The following UNC79 variants were observed in gnomAD, a reference collection of about 807,000 sequenced individuals.
The protein encoded by UNC79 is unc-79 subunit of NALCN channel complex.
A neutral mutation model predicts 283.1 loss-of-function variants in UNC79; 37 were observed. The observed-to-expected ratio is 0.13, with a 90% CI of 0.10 to 0.17. UNC79 has a LOEUF of 0.17. Ranked by LOEUF, UNC79 falls within the 10% of genes least tolerant of loss-of-function variation. The pLI, the probability that UNC79 is intolerant of heterozygous loss-of-function variation, is 1.00. For missense variants in UNC79, 2,272 were observed against 3,211.1 expected (o/e 0.71, Z 7.07); for synonymous variants, 1,107 against 1,200.2 (o/e 0.92, Z 1.61).
intron 31 of UNC79, among the ~76,000 whole-genome samples, chr14:93,635,033 A>T (rs2068390755): frequency 6.6e-6 from 1 of 152,256 alleles, no homozygotes; most frequent in Non-Finnish European, 1.5e-5. Context: ...TAATAGTGAT[A>T]AAAATTGTCA....
chr14:93,607,977 C>T (rs1366125392), intron 26 of UNC79, among the ~76,000 whole-genome samples: 1 of 152,110 alleles, frequency 6.6e-6, no homozygotes, highest in East Asian at 1.9e-4. Context: ...TAGGAATACT[C>T]TTGTTTGAAG....
intron 20 of UNC79, among the ~76,000 whole-genome samples, chr14:93,582,799 T>C (rs1164660667): frequency 6.6e-6 from 1 of 152,112 alleles, no homozygotes; most frequent in Non-Finnish European, 1.5e-5. Flanking sequence ...GTCTCAAAGC[T>C]CTTGGGTGGA....
chr14:93,562,831 T>C (rs1314745637), intron 14 of UNC79, among the ~76,000 whole-genome samples: 1 of 152,072 alleles, frequency 6.6e-6, no homozygotes, highest in African/African-American at 2.4e-5. Flanking sequence ...CCAAGAGGTA[T>C]TTTAGTTTCC....
chr14:93,646,652 G>A lies in UNC79; in HGVS notation c.6083+6G>A, dbSNP rs762636337. ...TTTTCTAATCAAGCAGAAAGGTAAG[G>A]TCCTAACGGGAGCCCAGATCTCACT... On this transcript the variant is annotated splice_donor_region_variant and intron_variant, in intron 35 of 48. Coordinates refer to ENST00000555664, the Ensembl canonical transcript of UNC79. The A allele has an allele frequency of 1.9e-6, 3 of 1,613,482 alleles. No homozygotes were observed. In the African/African-American group the frequency reaches 4.0e-5, roughly 22 times the overall value.
At chr14:93,583,329 A>T (rs116543935) in intron 20 of UNC79, among the ~76,000 whole-genome samples, 2,746 of 151,448 alleles carry the variant, frequency 0.018, 82 homozygotes, top group African/African-American at 0.061. Flanking sequence ...AAAAAAAAAA[A>T]AATAATAAAT....
intron 1 of UNC79, among the ~76,000 whole-genome samples, chr14:93,371,442 A>C (rs1050783984): frequency 1.3e-5 from 2 of 152,076 alleles, no homozygotes; most frequent in Admixed American, 1.3e-4. Context: ...AAACAAAAAA[A>C]CGCAGAACAC....
chr14:93,411,010 G>C (rs577929586), intron 1 of UNC79, among the ~76,000 whole-genome samples: 1 of 152,192 alleles, frequency 6.6e-6, no homozygotes, highest in South Asian at 2.1e-4. Context: ...GGCTCTTGGG[G>C]TCCCCAGTTC....
At chr14:93,622,621 C>T (rs2067222342) in exon 30 of UNC79, 2 of 1,614,044 alleles carry the variant, frequency 1.2e-6, no homozygotes, top group Admixed American at 1.7e-5. Context: ...ATGCAGAGAA[C>T]CCCACAGAAA....
intron 8 of UNC79, 113 bp from the exon 9 acceptor site, chr14:93,528,445 T>G: frequency 1.1e-6 from 1 of 933,800 alleles, no homozygotes; most frequent in Non-Finnish European, 1.6e-6. Flanking sequence ...TAAAAATGTT[T>G]ATTCCACCTC....
At chr14:93,525,846 T>C (rs1432837087) in intron 8 of UNC79, among the ~76,000 whole-genome samples, 2 of 152,146 alleles carry the variant, frequency 1.3e-5, no homozygotes, top group African/African-American at 4.8e-5. Flanking sequence ...CTTTCTGGCC[T>C]CCTACTCACA....
chr14:93,422,525 T>C (rs1365168156), intron 1 of UNC79, among the ~76,000 whole-genome samples: 1 of 152,172 alleles, frequency 6.6e-6, no homozygotes, highest in East Asian at 1.9e-4. Flanking sequence ...TCCATTCCCA[T>C]CACGTTCTGA....
At chr14:93,370,114 A>G (rs1462570699) in intron 1 of UNC79, among the ~76,000 whole-genome samples, 1 of 152,194 alleles carries the variant, frequency 6.6e-6, no homozygotes, top group Non-Finnish European at 1.5e-5. Context: ...AGACCTATTT[A>G]TGGCAGTTCC....
intron 34 of UNC79, among the ~76,000 whole-genome samples, chr14:93,644,803 G>A (rs900827147): frequency 2.0e-5 from 3 of 152,176 alleles, no homozygotes; most frequent in African/African-American, 7.2e-5. Flanking sequence ...AACCCCAAAA[G>A]TGTATGGCTT....
chr14:93,483,037 A>G (rs1475650137), intron 4 of UNC79, among the ~76,000 whole-genome samples: 2 of 152,168 alleles, frequency 1.3e-5, no homozygotes, highest in Admixed American at 6.5e-5. Context: ...CAAAGGCACC[A>G]CACTTTTGCT....
chr14:93,679,457 CAA>C (rs5810640), intron 41 of UNC79, among the ~76,000 whole-genome samples: 1 of 148,552 alleles, frequency 6.7e-6, no homozygotes, highest in Admixed American at 6.7e-5. Context: ...GATTCCATCT[CAA>C]AAAAAAAAAG....
chr14:93,405,686 A>G (rs189329269), intron 1 of UNC79, among the ~76,000 whole-genome samples: 4 of 152,326 alleles, frequency 2.6e-5, no homozygotes, highest in Admixed American at 1.3e-4. Flanking sequence ...AAAATTCTGT[A>G]TGTTTGATTT....
chr14:93,396,447 G>C (rs1321015498), intron 1 of UNC79, among the ~76,000 whole-genome samples: 4 of 151,800 alleles, frequency 2.6e-5, no homozygotes, highest in Admixed American at 1.3e-4. Context: ...TTGATTGCTT[G>C]TTTTCCTTAC....
intron 1 of UNC79, among the ~76,000 whole-genome samples, chr14:93,406,664 C>G (rs1170496900): frequency 6.6e-6 from 1 of 152,124 alleles, no homozygotes; most frequent in Admixed American, 6.5e-5. Flanking sequence ...TTATGATCAT[C>G]CTAAAAGATG....
At chr14:93,433,500 G>A (rs971634475) in intron 1 of UNC79, among the ~76,000 whole-genome samples, 1 of 152,112 alleles carries the variant, frequency 6.6e-6, no homozygotes, top group Non-Finnish European at 1.5e-5. Flanking sequence ...CTTGGACTTG[G>A]TAGAAGTTTA....
Sources: allele counts gnomAD v4.1 joint callset (sites outside exome capture counted in the v4.1 genomes callset), GRCh38; gene constraint gnomAD v4.1.1; transcripts MANE v1.5; gene names NCBI Gene and HGNC (gene_info 2026-07-23, HGNC 2026-07-21).